The following HSP90AA1 variants were observed in gnomAD, a reference collection of about 807,000 sequenced individuals.
The protein encoded by HSP90AA1 is heat shock protein 90 alpha family class A member 1.
Under a neutral mutation model 73.3 loss-of-function variants are expected in HSP90AA1, and 18 were observed. The ratio of observed to expected loss-of-function variants is 0.25; its 90% CI spans 0.17 to 0.36. The LOEUF (loss-of-function observed/expected upper bound fraction) is 0.36, where lower values mean the gene tolerates loss of function less well. Among genes scored for constraint, HSP90AA1 ranks in the 10% least tolerant of loss-of-function variants. The pLI, the probability that HSP90AA1 is intolerant of heterozygous loss-of-function variation, is 1.00. For missense variants in HSP90AA1, 704 were observed against 874.2 expected, an observed-to-expected ratio of 0.81 and a Z score of 2.45; for synonymous variants, 477 against 296.9, an observed-to-expected ratio of 1.61 and a Z score of -6.24.
chr14:102,099,263 A>C (rs2049463480), intron 2 of HSP90AA1, among the ~76,000 whole-genome samples: 1 of 152,256 alleles, frequency 6.6e-6, no homozygotes, highest in South Asian at 2.1e-4. Flanking sequence ...TATTTCACTT[A>C]AAAATGCAGG....
chr14:102,120,236 G>A (rs2049759175), intron 1 of HSP90AA1, among the ~76,000 whole-genome samples: 1 of 152,064 alleles, frequency 6.6e-6, no homozygotes, highest in Non-Finnish European at 1.5e-5. Flanking sequence ...GCATGTGCCT[G>A]TAATTCCACC....
At chr14:102,097,638 C>T (rs191176636) in intron 2 of HSP90AA1, among the ~76,000 whole-genome samples, 3 of 152,240 alleles carry the variant, frequency 2.0e-5, no homozygotes, top group Admixed American at 2.0e-4. Flanking sequence ...TCCTCAGATA[C>T]CCCTCGAGGT....
chr14:102,083,049 C>T lies in HSP90AA1; in HGVS notation c.1740G>A (p.Glu580=). The stretch of plus-strand genomic sequence containing the variant: ...ATTCACATACCTTTTCAACTTTTTT[C>T]TCCAATATGTCTTTCATGATTTTGC... ...NLCKIMKDIL[E]KKVEKVVVSN... The change falls in exon 9 of 11, where the codon GAG becomes GAA. Residue 580 remains glutamate (E), a synonymous_variant. Transcript: ENST00000216281. 3 of 1,613,908 alleles carry T rather than the reference C, an allele frequency of 1.9e-6. No homozygotes were observed. The highest frequency in any genetic ancestry group is 2.5e-6 in the Non-Finnish European group (3 of 1,179,796).
upstream of HSP90AA1, among the ~76,000 whole-genome samples, chr14:102,088,346 C>T (rs903822764): frequency 1.3e-5 from 2 of 152,176 alleles, no homozygotes; most frequent in African/African-American, 2.4e-5. Context: ...TGCCTAGACT[C>T]ATAGCCAGGC....
At chr14:102,115,771 T>G (rs1008591080) in intron 1 of HSP90AA1, among the ~76,000 whole-genome samples, 1 of 152,046 alleles carries the variant, frequency 6.6e-6, no homozygotes, top group African/African-American at 2.4e-5. Flanking sequence ...AAAATTTATC[T>G]GATTCTAAAA....
intron 1 of HSP90AA1, among the ~76,000 whole-genome samples, chr14:102,128,930 A>G (rs2049871188): frequency 6.6e-6 from 1 of 152,214 alleles, no homozygotes; most frequent in Non-Finnish European, 1.5e-5. Context: ...TTTATGCCTT[A>G]CGGTGATTCC....
intron 4 of HSP90AA1, 49 bp downstream of exon 4, chr14:102,085,249 C>A: frequency 1.9e-6 from 3 of 1,583,520 alleles, no homozygotes; most frequent in Non-Finnish European, 2.6e-6. Flanking sequence ...TACAGTCACC[C>A]CAATCACCTA....
chr14:102,086,259 G>C lies in HSP90AA1; in HGVS notation c.120C>G (p.Asn40Lys). ...MSLIINTFYSNKEIFLRELIS... is the reference protein window; with the variant it reads ...MSLIINTFYSKKEIFLRELIS... ...TGAGCTCTCTCAGAAAGATCTCTTT[G>C]TTCGAGTAGAAAGTATTGATGATCA... Residue 40 changes from asparagine (N) to lysine (K), a missense_variant, in exon 2 of 11, where the codon AAC becomes AAG. Transcript: ENST00000216281. 6.2e-7 allele frequency: 1 copy of C among 1,614,106 alleles called. No homozygotes were observed. The highest frequency in any genetic ancestry group is 8.5e-7 in the Non-Finnish European group (1 of 1,179,988).
chr14:102,107,930 AT>A (rs761194570), intron 1 of HSP90AA1, among the ~76,000 whole-genome samples: 2 of 141,312 alleles, frequency 1.4e-5, no homozygotes, highest in East Asian at 2.1e-4. Context: ...ATACCCTATC[AT>A]TTCACTGAAT....
intron 2 of HSP90AA1, among the ~76,000 whole-genome samples, chr14:102,095,718 C>T (rs1443216555): frequency 3.3e-5 from 5 of 152,162 alleles, no homozygotes; most frequent in Non-Finnish European, 2.9e-5. Flanking sequence ...TCATCTCTTG[C>T]CTTCAGCCCC....
At chr14:102,084,348 A>C in intron 6 of HSP90AA1, 51 bp downstream of exon 6, 8 of 1,560,430 alleles carry the variant, frequency 5.1e-6, no homozygotes, top group Non-Finnish European at 7.1e-6. Context: ...GCCCACCCAG[A>C]AAGTACTTCT....
intron 1 of HSP90AA1, among the ~76,000 whole-genome samples, chr14:102,120,994 A>AAC (rs1400361920): frequency 2.1e-5 from 3 of 145,886 alleles, no homozygotes; most frequent in African/African-American, 8.2e-5. Context: ...ACTAATCTGC[A>AAC]ACATACACAC....
chr14:102,135,005 CAG>C (rs200353691), intron 1 of HSP90AA1, among the ~76,000 whole-genome samples: 13,105 of 152,194 alleles, frequency 0.086, 946 homozygotes, highest in African/African-American at 0.2. Context: ...TAGTTAGATA[CAG>C]AGTTTCCACA....
chr14:102,135,053 CAG>C (rs1356474110), intron 1 of HSP90AA1, among the ~76,000 whole-genome samples: 13 of 152,324 alleles, frequency 8.5e-5, no homozygotes, highest in Admixed American at 7.8e-4. Context: ...CAGCTAGATA[CAG>C]AGTGTCGACT....
chr14:102,094,621 C>T (rs551022099), intron 2 of HSP90AA1, among the ~76,000 whole-genome samples: 1 of 152,128 alleles, frequency 6.6e-6, no homozygotes, highest in Non-Finnish European at 1.5e-5. Context: ...AGGAGTTAGC[C>T]AGGGAACAGT....
chr14:102,107,348 C>T (rs989346511), intron 1 of HSP90AA1, among the ~76,000 whole-genome samples: 8 of 151,808 alleles, frequency 5.3e-5, no homozygotes, highest in Non-Finnish European at 7.4e-5. Flanking sequence ...TTTTTTGAGA[C>T]GTAGTGTTGC....
chr14:102,082,673 T>C (rs532485540), intron 9 of HSP90AA1: 86 of 556,422 alleles, frequency 1.5e-4, no homozygotes, highest in South Asian at 1.4e-4. Flanking sequence ...CAGGCTGGAG[T>C]GCAGTGGTGC....
exon 1 of HSP90AA1, chr14:102,139,379 C>T (rs1280972193): frequency 6.3e-7 from 1 of 1,585,526 alleles, no homozygotes; most frequent in African/African-American, 1.3e-5. Flanking sequence ...AGGGGTGGAG[C>T]CGTCCCCGCC....
At chr14:102,122,821 C>G (rs1451560073) in intron 1 of HSP90AA1, among the ~76,000 whole-genome samples, 2 of 151,662 alleles carry the variant, frequency 1.3e-5, no homozygotes, top group Admixed American at 6.6e-5. Context: ...GTGCCTGCCA[C>G]CATGCCCAGC....
Sources: gnomAD v4.1 joint callset for allele counts (sites outside exome capture counted in the v4.1 genomes callset) on GRCh38, gnomAD v4.1.1 for gene constraint, MANE v1.5 for transcripts, NCBI Gene and HGNC (gene_info 2026-07-23, HGNC 2026-07-21) for gene names.